SYT16: variants seen among roughly 807,000 people sequenced by gnomAD.
SYT16 encodes synaptotagmin 16.
SYT16 carries 42 observed loss-of-function variants against 61.4 expected under a neutral mutation model. The ratio of observed to expected loss-of-function variants is 0.68; its 90% CI spans 0.53 to 0.89. SYT16 has a LOEUF of 0.89. SYT16 is among the 40% of genes least tolerant of loss of function. The pLI, the probability that SYT16 is intolerant of heterozygous loss-of-function variation, is 0.00. For synonymous variants in SYT16, 314 were observed against 302.3 expected, an observed-to-expected ratio of 1.04 and a Z score of -0.40; for missense variants, 804 against 807.3, an observed-to-expected ratio of 1.00 and a Z score of 0.05.
chr14:62,076,642 C>T (rs192723257), intron 5 of SYT16, among the ~76,000 whole-genome samples: 5 of 152,128 alleles, frequency 3.3e-5, no homozygotes, highest in Non-Finnish European at 2.9e-5. Flanking sequence ...TATGGAGGCA[C>T]CCAAAGCCAT....
intron 1 of SYT16, among the ~76,000 whole-genome samples, chr14:61,900,460 T>A (rs1026780118): frequency 1.3e-5 from 2 of 152,172 alleles, no homozygotes; most frequent in African/African-American, 4.8e-5. Context: ...GCCTGGCCGC[T>A]ATTTTCTTAT....
chr14:61,872,360 A>G (rs1279075180), intron 1 of SYT16, among the ~76,000 whole-genome samples: 3 of 152,148 alleles, frequency 2.0e-5, no homozygotes, highest in East Asian at 1.9e-4. Context: ...TTAAATATTT[A>G]TCTTTTTTTA....
At chr14:61,852,496 A>C (rs1328012300) in intron 1 of SYT16, among the ~76,000 whole-genome samples, 1 of 152,232 alleles carries the variant, frequency 6.6e-6, no homozygotes, top group African/African-American at 2.4e-5. Context: ...TTGAATCTAT[A>C]AACTACTTTG....
intron 2 of SYT16, among the ~76,000 whole-genome samples, chr14:61,991,346 G>GTGTGTGTA (rs2052543758): frequency 1.3e-5 from 2 of 151,744 alleles, no homozygotes; most frequent in Admixed American, 6.6e-5. Flanking sequence ...GTGTGTGTGT[G>GTGTGTGTA]TGTGTGTGTG....
At chr14:61,974,893 C>T (rs1425094295) in intron 2 of SYT16, among the ~76,000 whole-genome samples, 16 of 152,204 alleles carry the variant, frequency 1.1e-4, no homozygotes, top group Admixed American at 1.0e-3. Context: ...GGTAGAAAGG[C>T]CCAACTGGCT....
In SYT16 at chr14:61,813,589, T is replaced by A. The variant is rs927250059; in HGVS notation, c.-325+779T>A. ...AAGTCCCTAGCACAGGTGTGGCGCA[T>A]GTTAGGGACTTCATTAGATGAGTGA... On this transcript the variant is annotated intron_variant, in intron 1 of 7. Transcript: ENST00000683842. Among the ~76,000 whole-genome samples, 15 of 152,218 alleles carry A rather than the reference T, an allele frequency of 9.9e-5. No individual in the cohort carries two copies. In the South Asian group the frequency reaches 1.2e-3, roughly 13 times the overall value.
chr14:62,105,198 C>T lies in SYT16; in HGVS notation c.*4491C>T, dbSNP rs2057492736. On this transcript the variant is annotated 3_prime_UTR_variant, in exon 8 of 8. Coordinates refer to ENST00000683842, the MANE Select transcript of SYT16 (RefSeq NM_001367656.1). Reference sequence around the variant, plus strand: ...CCTTAGTTTGGAGGGAGTACAAATCCTTGATGGTTTGTGTGTACCTCTTGA... The same window carrying T: ...CCTTAGTTTGGAGGGAGTACAAATCTTTGATGGTTTGTGTGTACCTCTTGA... 6.6e-6 allele frequency: 1 copy of T among 152,130 alleles called. No individual in the cohort carries two copies. The highest frequency in any genetic ancestry group is 1.5e-5 in the Non-Finnish European group (1 of 68,014). 9.4% of individuals were successfully genotyped at this position (152,130 alleles called of 1,614,324 possible).
chr14:62,045,312 A>G (rs1474510913), intron 3 of SYT16, among the ~76,000 whole-genome samples: 2 of 152,174 alleles, frequency 1.3e-5, no homozygotes, highest in Non-Finnish European at 2.9e-5. Context: ...CAGCTTCTAT[A>G]AAAGAGCAGT....
intron 1 of SYT16, chr14:61,832,356 C>T: frequency 1.8e-6 from 1 of 568,624 alleles, no homozygotes. Context: ...GCTAACTACC[C>T]TGGTAGCCAA....
intron 1 of SYT16, among the ~76,000 whole-genome samples, chr14:61,938,181 G>A (rs2050065580): frequency 6.6e-6 from 1 of 152,084 alleles, no homozygotes; most frequent in South Asian, 2.1e-4. Context: ...AAACAGGGTG[G>A]GGATTGCTAC....
At chr14:62,002,520 T>C (rs1011137160) in intron 3 of SYT16, among the ~76,000 whole-genome samples, 1 of 152,030 alleles carries the variant, frequency 6.6e-6, no homozygotes, top group Non-Finnish European at 1.5e-5. Context: ...GAGTTGGAGG[T>C]TGTGTTTCCT....
chr14:61,840,903 T>C (rs1463510923), intron 1 of SYT16, among the ~76,000 whole-genome samples: 1 of 152,168 alleles, frequency 6.6e-6, no homozygotes, highest in Non-Finnish European at 1.5e-5. Context: ...CTTGAGTATA[T>C]TTATAGGCTC....
intron 2 of SYT16, among the ~76,000 whole-genome samples, chr14:61,993,116 A>G (rs1054561513): frequency 1.3e-5 from 2 of 152,170 alleles, no homozygotes; most frequent in Non-Finnish European, 2.9e-5. Context: ...TTGGACAAGA[A>G]GATGCTGGCT....
At chr14:61,863,748 T>G (rs1408988798) in intron 1 of SYT16, among the ~76,000 whole-genome samples, 1 of 152,252 alleles carries the variant, frequency 6.6e-6, no homozygotes, top group Non-Finnish European at 1.5e-5. Context: ...GTTTAGTGTT[T>G]TACATTTAAG....
At chr14:61,887,590 C>T (rs1255479382) in intron 1 of SYT16, among the ~76,000 whole-genome samples, 1 of 152,166 alleles carries the variant, frequency 6.6e-6, no homozygotes, top group Non-Finnish European at 1.5e-5. Context: ...GCCAGATCTT[C>T]AGGATAAATT....
At chr14:62,090,436 T>C (rs982023331) in intron 7 of SYT16, among the ~76,000 whole-genome samples, 1 of 152,098 alleles carries the variant, frequency 6.6e-6, no homozygotes, top group Admixed American at 6.5e-5. Context: ...GAAGAACAAG[T>C]GGGATTCAGA....
chr14:62,014,522 C>T (rs1188922385), intron 3 of SYT16, among the ~76,000 whole-genome samples: 2 of 151,932 alleles, frequency 1.3e-5, no homozygotes, highest in Non-Finnish European at 2.9e-5. Context: ...CAACCTCCAC[C>T]TCCTGGGTTC....
At chr14:62,071,618 A>AT (rs536156213) in intron 4 of SYT16, among the ~76,000 whole-genome samples, 33 of 152,130 alleles carry the variant, frequency 2.2e-4, no homozygotes, top group Admixed American at 1.4e-3. Context: ...TTATTGCTTG[A>AT]TTTTTTTTGT....
intron 1 of SYT16, among the ~76,000 whole-genome samples, chr14:61,889,418 A>C (rs1269594648): frequency 1.3e-5 from 2 of 152,132 alleles, no homozygotes; most frequent in Non-Finnish European, 2.9e-5. Flanking sequence ...ATCTGATTTC[A>C]ATGTTGGAGG....
Sources: allele counts gnomAD v4.1 joint callset (sites outside exome capture counted in the v4.1 genomes callset), GRCh38; gene constraint gnomAD v4.1.1; transcripts MANE v1.5; gene names NCBI Gene and HGNC (gene_info 2026-07-23, HGNC 2026-07-21).